The following AGPAT5 variants were observed in gnomAD, a reference collection of about 807,000 sequenced individuals.
AGPAT5 encodes the protein 1-acylglycerol-3-phosphate O-acyltransferase 5.
A neutral mutation model predicts 45.6 loss-of-function variants in AGPAT5; 46 were observed. That is an observed-to-expected ratio of 1.01 (90% confidence interval 0.80 to 1.29). AGPAT5 has a LOEUF of 1.29. AGPAT5 is among the 50% of genes most tolerant of loss of function. The pLI is 0.00. For missense variants in AGPAT5, 673 were observed against 450.7 expected (o/e 1.49, Z -4.47); for synonymous variants, 272 against 167.0 (o/e 1.63, Z -4.85).
chr8:6,757,031 T>A (rs767099575), intron 7 of AGPAT5, 132 bp from the exon 8 acceptor site: 4 of 652,676 alleles, frequency 6.1e-6, no homozygotes, highest in Non-Finnish European at 1.1e-5. Context: ...AGTTTCTGGA[T>A]GTTTCCGTAT....
rs151257886 is a variant in AGPAT5 at position 6,760,487 on chromosome 8, AAG to A, written c.*3107_*3108del. Among the ~76,000 whole-genome samples the A allele has an allele frequency of 0.023, 3,503 of 152,326 alleles. 74 individuals are homozygous for A. Among genetic ancestry groups the A allele is most frequent in the Non-Finnish European group, 0.031 (2,128 of 68,020 alleles). ...AGATATGTACCACAAAAAATGTGAA[AAG>A]AGAGAGAAATGTCTACCAAAGCAGT... On this transcript the variant is annotated 3_prime_UTR_variant, in exon 8 of 8. Coordinates refer to ENST00000285518, the MANE Select transcript of AGPAT5 (RefSeq NM_018361.5).
At chr8:6,718,278 G>A (rs1587005269) in intron 1 of AGPAT5, among the ~76,000 whole-genome samples, 2 of 152,220 alleles carry the variant, frequency 1.3e-5, no homozygotes, top group Admixed American at 6.5e-5. Flanking sequence ...ACAGCATGAC[G>A]TGGTTGCTGT....
At chr8:6,734,437 T>G (rs1373081022) in intron 4 of AGPAT5, among the ~76,000 whole-genome samples, 1 of 152,168 alleles carries the variant, frequency 6.6e-6, no homozygotes, top group East Asian at 1.9e-4. Flanking sequence ...ATTCCTCACA[T>G]TTCCCTTTGA....
intron 1 of AGPAT5, among the ~76,000 whole-genome samples, chr8:6,714,160 A>G (rs926111108): frequency 2.0e-5 from 3 of 152,178 alleles, no homozygotes; most frequent in African/African-American, 7.2e-5. Context: ...TAACAAGAAT[A>G]TGAATCATAC....
In AGPAT5 at chr8:6,760,495, G is replaced by C. The variant is rs1197255908; in HGVS notation, c.*3107G>C. On this transcript the variant is annotated 3_prime_UTR_variant, in exon 8 of 8. Transcript: ENST00000285518. The stretch of plus-strand genomic sequence containing the variant: ...ACCACAAAAAATGTGAAAAGAGAGA[G>C]AAATGTCTACCAAAGCAGTATTTTG... 6.6e-6 allele frequency among the ~76,000 whole-genome samples: 1 copy of C among 152,050 alleles called. No homozygotes were observed. Among genetic ancestry groups the C allele is most frequent in the Non-Finnish European group, 1.5e-5 (1 of 67,956 alleles).
At chr8:6,747,345 T>G (rs997727523) in intron 5 of AGPAT5, among the ~76,000 whole-genome samples, 1 of 152,254 alleles carries the variant, frequency 6.6e-6, no homozygotes, top group Non-Finnish European at 1.5e-5. Context: ...CTATCACCTT[T>G]GTTCAGTGGC....
intron 4 of AGPAT5, among the ~76,000 whole-genome samples, chr8:6,740,597 T>G (rs1202078822): frequency 1.3e-5 from 2 of 151,674 alleles, no homozygotes; most frequent in African/African-American, 4.8e-5. Flanking sequence ...ATTATATGAA[T>G]GAACAAAAAG....
intron 1 of AGPAT5, chr8:6,709,106 G>A (rs1479581067): frequency 1.6e-6 from 1 of 610,582 alleles, no homozygotes; most frequent in African/African-American, 1.9e-5. Flanking sequence ...GAGGCTACGA[G>A]TGGGACCCGC....
intron 4 of AGPAT5, among the ~76,000 whole-genome samples, chr8:6,735,771 A>T (rs991012945): frequency 2.0e-5 from 3 of 151,768 alleles, no homozygotes; most frequent in Non-Finnish European, 4.4e-5. Context: ...TGGTTAATAA[A>T]TTTCAAAACT....
intron 5 of AGPAT5, among the ~76,000 whole-genome samples, chr8:6,743,676 G>A (rs557013407): frequency 2.6e-5 from 4 of 151,786 alleles, no homozygotes; most frequent in Admixed American, 6.6e-5. Flanking sequence ...CCTTAGACTT[G>A]TTTTAGGTAT....
At chr8:6,740,871 T>C (rs971581948) in intron 4 of AGPAT5, among the ~76,000 whole-genome samples, 7 of 152,098 alleles carry the variant, frequency 4.6e-5, no homozygotes, top group Admixed American at 1.3e-4. Context: ...CTGTTTGTAT[T>C]TGAAAAGATT....
chr8:6,752,642 T>C (rs2928579), intron 6 of AGPAT5, among the ~76,000 whole-genome samples: 123,333 of 152,098 alleles, frequency 0.81, 50,793 homozygotes, highest in African/African-American at 0.95. Flanking sequence ...ATTACCCAAG[T>C]GTATCAGTAT....
At chr8:6,739,789 C>T (rs561569814) in intron 4 of AGPAT5, among the ~76,000 whole-genome samples, 1 of 152,026 alleles carries the variant, frequency 6.6e-6, no homozygotes, top group Non-Finnish European at 1.5e-5. Context: ...CTAGTACAGC[C>T]TTGACTAGAA....
chr8:6,716,777 A>G (rs2911982), intron 1 of AGPAT5, among the ~76,000 whole-genome samples: 105,072 of 151,718 alleles, frequency 0.69, 36,923 homozygotes, highest in African/African-American at 0.81. Context: ...AGGTTGTGGT[A>G]AGCCAAGATG....
chr8:6,724,028 C>G (rs923379758), intron 1 of AGPAT5, among the ~76,000 whole-genome samples: 3 of 152,146 alleles, frequency 2.0e-5, no homozygotes, highest in African/African-American at 7.2e-5. Context: ...TAAGTCTTTA[C>G]AAGTATACTC....
intron 1 of AGPAT5, 180 bp downstream of exon 1, chr8:6,709,067 T>A (rs754084069): frequency 4.2e-6 from 3 of 719,720 alleles, no homozygotes; most frequent in East Asian, 5.4e-5. Flanking sequence ...CCGAGATCGC[T>A]CTCTAGGAAG....
chr8:6,710,993 A>T (rs748593869), intron 1 of AGPAT5, among the ~76,000 whole-genome samples: 2 of 152,052 alleles, frequency 1.3e-5, no homozygotes, highest in Non-Finnish European at 2.9e-5. Context: ...AGTATTGTTG[A>T]CTCATTTCTG....
In AGPAT5 at chr8:6,732,604, A is replaced by C; in HGVS notation, c.449A>C (p.Lys150Thr). The change falls in exon 4 of 8, where the codon AAA becomes ACA. Residue 150 changes from lysine to threonine, a missense_variant. Physicochemically the swap from Lys to Thr is moderately conservative, Grantham distance 78. Coordinates refer to ENST00000285518, the MANE Select transcript of AGPAT5 (RefSeq NM_018361.5). ...YVKRSAKFNE[K>T]EMRNKLQSYV... Reference sequence around the variant, plus strand: ...AAGCGCAGTGCCAAATTTAACGAGAAAGAGATGCGAAACAAGTTGCAGAGC... The same window carrying C: ...AAGCGCAGTGCCAAATTTAACGAGACAGAGATGCGAAACAAGTTGCAGAGC... 1 of 1,611,304 alleles carries C rather than the reference A, an allele frequency of 6.2e-7. No individual in the cohort carries two copies.
chr8:6,741,778 A>T, intron 5 of AGPAT5, 27 bp downstream of exon 5: 1 of 1,524,124 alleles, frequency 6.6e-7, no homozygotes, highest in African/African-American at 1.4e-5. Context: ...GTGTTTGAAC[A>T]AATAATTTTC....
Sources: gnomAD v4.1 joint callset for allele counts (sites outside exome capture counted in the v4.1 genomes callset) on GRCh38, gnomAD v4.1.1 for gene constraint, MANE v1.5 for transcripts, NCBI Gene and HGNC (gene_info 2026-07-23, HGNC 2026-07-21) for gene names.